The following ITGB4 variants were observed in gnomAD, a reference collection of about 807,000 sequenced individuals.
The protein encoded by ITGB4 is integrin subunit beta 4, also known as integrin beta-4.
ITGB4 carries 159 observed loss-of-function variants against 207.6 expected under a neutral mutation model. That is an observed-to-expected ratio of 0.77 (90% CI 0.67 to 0.87). The LOEUF is 0.87. ITGB4 is among the 40% of genes least tolerant of loss of function. The pLI, the probability that ITGB4 is intolerant of heterozygous loss-of-function variation, is 0.00. For missense variants in ITGB4, 2,278 were observed against 2,546.8 expected (o/e 0.89, Z 2.27); for synonymous variants, 1,020 against 1,062.7 (o/e 0.96, Z 0.78).
At chr17:75,736,811 C>G in intron 16 of ITGB4, 117 bp downstream of exon 16, 1 of 1,139,594 alleles carries the variant, frequency 8.8e-7, no homozygotes, top group East Asian at 2.6e-5. Context: ...TCACACAGTC[C>G]GGACAGGAAC....
rs373930132 is a variant in ITGB4 at position 75,756,809 on chromosome 17, A to T, written c.5003A>T (p.Asn1668Ile). The part of the protein sequence containing the change: ...QLSWERPRRP[N>I]GDIVGYLVTC... ...AGCTGGGAGCGGCCACGGAGGCCCA[A>T]TGGGGATATCGTCGGCTACCTGGTG... is the stretch of plus-strand genomic sequence containing the variant. Residue 1668 changes from asparagine (N) to isoleucine (I), a missense_variant, in exon 37 of 40, where the codon AAT becomes ATT. By Grantham distance (149) the Asn-to-Ile change is moderately radical. Transcript: ENST00000200181. The T allele has an allele frequency of 1.2e-6, 2 of 1,612,528 alleles. No homozygotes were observed. The highest frequency in any genetic ancestry group is 4.5e-5 in the East Asian group (2 of 44,878).
chr17:75,727,997 T>A lies in ITGB4; in HGVS notation c.469+142T>A. The A allele has an allele frequency of 1.3e-6, 1 of 762,720 alleles. No individual in the cohort carries two copies. Among genetic ancestry groups the A allele is most frequent in the Non-Finnish European group, 2.1e-6 (1 of 466,956 alleles). The allele number at this position is 762,720 out of a possible 1,614,324, so 47.2% of individuals were successfully genotyped here. On this transcript the variant is annotated intron_variant, in intron 5 of 39. Transcript: ENST00000200181. The surrounding 1 kb of genome is among the most constrained non-coding windows in gnomAD (Gnocchi z 6.0). Reference sequence around the variant, plus strand: ...AGCCCCCAAAAACCTTCCCTTCCATTCTCAAGGGAAGAATCTCGGTCAGAC... The same window carrying A: ...AGCCCCCAAAAACCTTCCCTTCCATACTCAAGGGAAGAATCTCGGTCAGAC...
At chr17:75,745,186 A>G (rs1599282336) in intron 26 of ITGB4, among the ~76,000 whole-genome samples, 1 of 152,130 alleles carries the variant, frequency 6.6e-6, no homozygotes, top group Admixed American at 6.5e-5. Context: ...TAAACCCAGG[A>G]GTTCAAGACC....
In ITGB4 at chr17:75,733,602, T is replaced by C; in HGVS notation, c.1567T>C (p.Cys523Arg). The change falls in exon 13 of 40, where the codon TGT becomes CGT. Residue 523 changes from cysteine (C) to arginine (R), a missense_variant. Coordinates refer to ENST00000200181, the MANE Select transcript of ITGB4 (RefSeq NM_000213.5). ...CCGTGGGGAGTGCCAGTGCGGGCAC[T>C]GTGTGTGCTACGGCGAAGGCCGCTA... ...SGRGECQCGH[C>R]VCYGEGRYEG... 1 of 1,614,148 alleles carries C rather than the reference T, an allele frequency of 6.2e-7. No individual in the cohort carries two copies. Among genetic ancestry groups the C allele is most frequent in the Non-Finnish European group, 8.5e-7 (1 of 1,180,024 alleles).
At chr17:75,744,309 G>A (rs1338044446) in intron 26 of ITGB4, among the ~76,000 whole-genome samples, 4 of 151,832 alleles carry the variant, frequency 2.6e-5, no homozygotes, top group African/African-American at 9.7e-5. Flanking sequence ...TAGTAGAGAC[G>A]GGGTTTCTCC....
At chr17:75,753,053 T>A (rs2061404425) in intron 32 of ITGB4, among the ~76,000 whole-genome samples, 1 of 152,266 alleles carries the variant, frequency 6.6e-6, no homozygotes, top group African/African-American at 2.4e-5. Flanking sequence ...CAGTGTCAGC[T>A]GTGGCTCCAC....
Position 75,742,801 on chromosome 17 carries a change from C to A in ITGB4, c.2962+40C>A. ...GGAGAGTGGGGAAGGCAGACGGGGGCTCGGGGGCACTGGTTCCTCCTGCTT... is the reference window on the plus strand; with the variant it reads ...GGAGAGTGGGGAAGGCAGACGGGGGATCGGGGGCACTGGTTCCTCCTGCTT... On this transcript the variant is annotated intron_variant, in intron 25 of 39. Transcript: ENST00000200181. This position sits in a 1 kb window ranked among gnomAD's most constrained non-coding sequence, Gnocchi z 5.9. 2 of 1,563,058 alleles carry A rather than the reference C, an allele frequency of 1.3e-6. No homozygotes were observed. The highest frequency in any genetic ancestry group is 8.7e-7 in the Non-Finnish European group (1 of 1,153,616).
At chr17:75,744,264 G>A (rs2061186381) in intron 26 of ITGB4, among the ~76,000 whole-genome samples, 1 of 152,092 alleles carries the variant, frequency 6.6e-6, no homozygotes, top group Non-Finnish European at 1.5e-5. Context: ...GGGATTACAG[G>A]CATGTGCCAC....
In ITGB4 at chr17:75,754,581, C is replaced by G. The variant is rs1359439988; in HGVS notation, c.4324C>G (p.Leu1442Val). 2.5e-6 allele frequency: 4 copies of G among 1,613,594 alleles called. No homozygotes were observed. Among genetic ancestry groups the G allele is most frequent in the African/African-American group, 1.3e-5 (1 of 74,916 alleles). The change falls in exon 34 of 40, where the codon CTG becomes GTG. Residue 1442 changes from leucine to valine, a missense_variant. Leu to Val is a conservative substitution (Grantham distance 32). Transcript: ENST00000200181. ...ACCCTGCTCTCCCCCTGCAGAGCACCTGGTGAATGGCCGGATGGACTTTGC... is the reference window on the plus strand; with the variant it reads ...ACCCTGCTCTCCCCCTGCAGAGCACGTGGTGAATGGCCGGATGGACTTTGC... ...SATPGPPGEH[L>V]VNGRMDFAFP...
Position 75,737,464 on chromosome 17 carries a change from C to T in ITGB4, c.2113+20C>T, listed in dbSNP as rs776250801. 1.4e-5 allele frequency: 22 copies of T among 1,552,908 alleles called. No homozygotes were observed. The highest frequency in any genetic ancestry group is 1.1e-4 in the African/African-American group (8 of 73,168). On this transcript the variant is annotated intron_variant, in intron 17 of 39. Coordinates refer to ENST00000200181, the MANE Select transcript of ITGB4 (RefSeq NM_000213.5). ...AGAAGGGTGAGCTGGTGGGGCCGGG[C>T]GCAGGGAGGGGGCGTGTGGCCAGAG... is the stretch of plus-strand genomic sequence containing the variant.
Position 75,753,774 on chromosome 17 carries a change from G to A in ITGB4, c.4118G>A (p.Trp1373Ter). 1 of 1,448,902 alleles carries A rather than the reference G, an allele frequency of 6.9e-7. No individual in the cohort carries two copies. The highest frequency in any genetic ancestry group is 9.1e-7 in the Non-Finnish European group (1 of 1,101,164). 89.8% of individuals were successfully genotyped at this position (1,448,902 alleles called of 1,614,324 possible). A position where few individuals can be genotyped will look rare whatever the true frequency, so the allele number is the denominator to read the frequency against. The change falls in exon 33 of 40, where the codon TGG becomes TAG. Residue 1373 changes from tryptophan (W) to a stop codon, truncating the protein, a stop_gained. Transcript: ENST00000200181. LOFTEE classifies it high-confidence loss of function. ...PSVSDDTGCGWKFEPLLGEEL... is the reference protein window; with the variant it reads ...PSVSDDTGCG ...CTTCGTTGTTCCCAAGGCTGCGGCT[G>A]GAAGTTCGAGCCCCTGCTGGGGGAG...
In ITGB4 at chr17:75,753,463, C is replaced by T. The variant is rs147077334; in HGVS notation, c.4109-302C>T. On this transcript the variant is annotated intron_variant, in intron 32 of 39. Coordinates refer to ENST00000200181, the MANE Select transcript of ITGB4 (RefSeq NM_000213.5). ...AGAGGTTAAGTAAAGCAAGGGAGAC[C>T]TCACAGCTGGTGACAGAGCCCAGAC... Among the ~76,000 whole-genome samples, 12 of 152,370 alleles carry T rather than the reference C, an allele frequency of 7.9e-5. No individual in the cohort carries two copies. In the East Asian group the frequency reaches 2.3e-3, roughly 29 times the overall value.
chr17:75,726,040 G>A (rs1340904148), intron 2 of ITGB4, among the ~76,000 whole-genome samples: 1 of 152,246 alleles, frequency 6.6e-6, no homozygotes, highest in Non-Finnish European at 1.5e-5. Context: ...GTGTGCCAGT[G>A]CCACTGTCTC....
chr17:75,753,629 C>T, intron 32 of ITGB4, 136 bp from the exon 33 acceptor site: 1 of 522,688 alleles, frequency 1.9e-6, no homozygotes, highest in Non-Finnish European at 2.9e-6. Flanking sequence ...CATCTACCCC[C>T]GCCCCCAACA....
intron 17 of ITGB4, 28 bp downstream of exon 17, chr17:75,737,472 G>A (rs1194650231): frequency 1.7e-5 from 26 of 1,553,046 alleles, no homozygotes; most frequent in Non-Finnish European, 2.2e-5. Flanking sequence ...GGCGCAGGGA[G>A]GGGGCGTGTG....
At chr17:75,741,118 C>A in intron 23 of ITGB4, 113 bp downstream of exon 23, 3 of 1,218,972 alleles carry the variant, frequency 2.5e-6, no homozygotes, top group South Asian at 1.3e-5. Context: ...AAGGGAGGGT[C>A]AGATGTGTCC....
rs775000779 is a variant in ITGB4, at chr17:75,748,887, C to A, written c.3158C>A (p.Ala1053Asp). 1 of 1,613,012 alleles carries A rather than the reference C, an allele frequency of 6.2e-7. No homozygotes were observed. The highest frequency in any genetic ancestry group is 1.7e-5 in the Admixed American group (1 of 59,962). The change falls in exon 27 of 40, where the codon GCC (alanine) becomes GAC (aspartate). Residue 1053 changes from alanine to aspartate, a missense_variant. Ala to Asp is a moderately radical substitution (Grantham distance 126). Transcript: ENST00000200181. The stretch of plus-strand genomic sequence containing the variant: ...GAGCTGCTGTTCCAGCCTGGGGAGG[C>A]CTGGAAAGAGCTGCAGGTGAAGCTC... ...EGELLFQPGE[A>D]WKELQVKLLE... is the part of the protein sequence containing the mutation.
intron 35 of ITGB4, 29 bp downstream of exon 35, chr17:75,755,879 G>A (rs1191000781): frequency 6.3e-7 from 1 of 1,594,580 alleles, no homozygotes; most frequent in Non-Finnish European, 8.5e-7. Context: ...CAGGCTGCGG[G>A]GTGCAGCCCT....
intron 23 of ITGB4, 144 bp downstream of exon 23, chr17:75,741,149 C>T (rs1484661166): frequency 5.5e-6 from 5 of 917,414 alleles, no homozygotes; most frequent in East Asian, 5.2e-5. Context: ...GACCTTCATT[C>T]GTTCCTTTGA....
Sources: allele counts gnomAD v4.1 joint callset (sites outside exome capture counted in the v4.1 genomes callset), GRCh38; gene constraint gnomAD v4.1.1; non-coding constraint Gnocchi (gnomAD v3.1); transcripts MANE v1.5; gene names NCBI Gene and HGNC (gene_info 2026-07-23, HGNC 2026-07-21).